Variants in BIRC6 observed in about 807,000 individuals in gnomAD.
The protein encoded by BIRC6 is baculoviral IAP repeat containing 6.
A neutral mutation model predicts 503.3 loss-of-function variants in BIRC6; 98 were observed. That is an observed-to-expected ratio of 0.19 (90% CI 0.17 to 0.23). BIRC6 has a LOEUF of 0.23. BIRC6 is among the 10% of genes least tolerant of loss of function. The probability of loss-of-function intolerance (pLI) is 1.00; values close to 1 mark genes in which losing one functional copy is unlikely to be tolerated. For synonymous variants in BIRC6, 2,240 were observed against 2,078.7 expected (o/e 1.08, Z -2.11); for missense variants, 5,360 against 5,806.0 (o/e 0.92, Z 2.50).
At chr2:32,487,147 G>A (rs965120336) in intron 40 of BIRC6, among the ~76,000 whole-genome samples, 4 of 152,168 alleles carry the variant, frequency 2.6e-5, no homozygotes, top group South Asian at 2.1e-4. Context: ...AAAGCTCTTA[G>A]TATCCTTGTA....
At chr2:32,396,098 T>C (rs1284951693) in intron 6 of BIRC6, among the ~76,000 whole-genome samples, 1 of 152,174 alleles carries the variant, frequency 6.6e-6, no homozygotes, top group East Asian at 1.9e-4. Flanking sequence ...TTAATAGAAA[T>C]AATAGTATAT....
Position 32,357,332 on chromosome 2 carries a change from G to A in BIRC6, c.171G>A (p.Val57=). 2 of 1,540,348 alleles carry A rather than the reference G, an allele frequency of 1.3e-6. No homozygotes were observed. Among genetic ancestry groups the A allele is most frequent in the Non-Finnish European group, 1.7e-6 (2 of 1,144,960 alleles). The change falls in exon 1 of 74, where the codon GTG becomes GTA. Residue 57 remains valine (V), a synonymous_variant. Transcript: ENST00000421745. The surrounding 1 kb of genome is among the most constrained non-coding windows in gnomAD (Gnocchi z 4.9). ...CGGCCGGGGTCTCAGAGTGGCTGGT[G>A]CTGCGGGACGGCTGCATGCACTGCG... ...AGAAGVSEWL[V]LRDGCMHCDA...
At chr2:32,401,653 T>C (rs370670186) in intron 8 of BIRC6, 30 bp downstream of exon 8, 2 of 1,570,634 alleles carry the variant, frequency 1.3e-6, no homozygotes, top group African/African-American at 2.7e-5. Context: ...TAGTATTTAA[T>C]AGATGTTACA....
At chr2:32,408,402 G>C (rs560249329) in intron 9 of BIRC6, among the ~76,000 whole-genome samples, 2 of 152,114 alleles carry the variant, frequency 1.3e-5, no homozygotes, top group Non-Finnish European at 2.9e-5. Flanking sequence ...GAGCCACTGC[G>C]CCCGGCCAAG....
Position 32,499,971 on chromosome 2 carries a change from G to T in BIRC6, c.8893G>T (p.Asp2965Tyr). ...TGAAGAAAAAGTCTCAGGAGGCAAA[G>T]ATGGCAATGGAAGCAGTACCAGTGT... ...SDEEKVSGGK[D>Y]GNGSSTSVQG... Residue 2965 changes from aspartate to tyrosine, a missense_variant, in exon 46 of 74, where the codon GAT becomes TAT. This residue lies in a region of BIRC6 where 2,299 missense variants were observed against 2,267.2 expected (regional missense o/e 1.01). Transcript: ENST00000421745. 1 of 1,613,996 alleles carries T rather than the reference G, an allele frequency of 6.2e-7. No homozygotes were observed.
chr2:32,410,104 A>G (rs914664211), intron 9 of BIRC6, among the ~76,000 whole-genome samples: 1 of 152,236 alleles, frequency 6.6e-6, no homozygotes, highest in Non-Finnish European at 1.5e-5. Context: ...ATTTTGTCAT[A>G]GTATATACAT....
At chr2:32,531,219 C>T in intron 60 of BIRC6, 136 bp from the exon 61 acceptor site, 1 of 694,698 alleles carries the variant, frequency 1.4e-6, no homozygotes, top group East Asian at 2.7e-5. Flanking sequence ...CATAATACAG[C>T]TATATCTAAA....
At chr2:32,428,487 C>T (rs776802236) in intron 10 of BIRC6, among the ~76,000 whole-genome samples, 2 of 152,168 alleles carry the variant, frequency 1.3e-5, no homozygotes, top group African/African-American at 2.4e-5. Flanking sequence ...CACTGCTTAC[C>T]TCACCCTCGT....
chr2:32,452,321 AAC>A (rs1264389514), intron 22 of BIRC6, among the ~76,000 whole-genome samples: 4 of 152,116 alleles, frequency 2.6e-5, no homozygotes, highest in African/African-American at 4.8e-5. Flanking sequence ...TTCTTCAGAA[AAC>A]AGTTATTTTT....
In BIRC6 at chr2:32,553,126, G is replaced by A. The variant is rs184065805; in HGVS notation, c.13144+3645G>A. Among the ~76,000 whole-genome samples the A allele has an allele frequency of 9.4e-3, 1,288 of 137,168 alleles. 9 individuals carry two copies. The highest frequency in any genetic ancestry group is 0.026 in the Middle Eastern group (6 of 232). The allele number at this position is 137,168 out of a possible 152,430, so 90.0% of individuals were successfully genotyped here. ...GCAGGAGAATCGCTTGAACCCAGGA[G>A]GGGGAGGTTGCGGTGAGCCGAGATG... is the stretch of plus-strand genomic sequence containing the variant. On this transcript the variant is annotated intron_variant, in intron 65 of 73. Coordinates refer to ENST00000421745, the MANE Select transcript of BIRC6 (RefSeq NM_016252.4).
chr2:32,597,275 T>C (rs1460873783), intron 68 of BIRC6, among the ~76,000 whole-genome samples: 1 of 152,246 alleles, frequency 6.6e-6, no homozygotes, highest in Non-Finnish European at 1.5e-5. Flanking sequence ...GTGGCTTTCA[T>C]TACCTGTAAA....
chr2:32,473,656 T>C, intron 33 of BIRC6, among the ~76,000 whole-genome samples: 1 of 151,580 alleles, frequency 6.6e-6, no homozygotes, highest in South Asian at 2.1e-4. Flanking sequence ...TCTATCTAGC[T>C]TCCAGATTTT....
chr2:32,451,526 C>T (rs564010996), intron 22 of BIRC6, among the ~76,000 whole-genome samples: 2 of 152,220 alleles, frequency 1.3e-5, no homozygotes, highest in East Asian at 3.9e-4. Context: ...ATGCCCTTGA[C>T]GTTGCAGTAA....
rs139981025 is a variant in BIRC6, at chr2:32,453,823, G to A, written c.4634G>A (p.Ser1545Asn). ...TTGCCATTAGGAAATGGAAAGGTCA[G>A]TAGTTGCACAGCTGCTGAGGGTAGT... is the stretch of plus-strand genomic sequence containing the variant. ...SDVLSGNGKV[S>N]SCTAAEGSFT... is the part of the protein sequence containing the mutation. The change falls in exon 23 of 74, where the codon AGT (serine) becomes AAT (asparagine). Residue 1545 changes from serine to asparagine, a missense_variant. By Grantham distance (46) the Ser-to-Asn change is conservative. Transcript: ENST00000421745. 5.0e-6 allele frequency: 8 copies of A among 1,613,666 alleles called. No individual in the cohort carries two copies. Among genetic ancestry groups the A allele is most frequent in the Non-Finnish European group, 6.8e-6 (8 of 1,179,682 alleles).
intron 61 of BIRC6, among the ~76,000 whole-genome samples, chr2:32,534,391 A>G (rs1038209018): frequency 2.7e-5 from 4 of 149,654 alleles, no homozygotes; most frequent in African/African-American, 4.9e-5. Flanking sequence ...AAAAAAAAAA[A>G]GAGACACTGC....
At chr2:32,553,295 C>CT (rs78917334) in intron 65 of BIRC6, among the ~76,000 whole-genome samples, 150,020 of 150,020 alleles carry the variant, frequency 1, 75,010 homozygotes, top group Non-Finnish European at 1. Context: ...ATTTTTGTGA[C>CT]TAACAGTAGT....
intron 45 of BIRC6, among the ~76,000 whole-genome samples, chr2:32,497,858 CAA>C (rs879044255): frequency 4.6e-5 from 7 of 152,128 alleles, no homozygotes; most frequent in Admixed American, 4.6e-4. Context: ...AAGCATTTGA[CAA>C]AGTCAGAATT....
At chr2:32,565,371 A>G (rs1025428958) in intron 65 of BIRC6, 1 of 152,158 alleles carries the variant, frequency 6.6e-6, no homozygotes, top group East Asian at 1.9e-4. Context: ...CCTATAAGAC[A>G]TATTTTATTA....
In BIRC6 at chr2:32,433,812, T is replaced by A. The variant is rs1193022564; in HGVS notation, c.3409+8T>A. 2 of 1,513,370 alleles carry A rather than the reference T, an allele frequency of 1.3e-6. No individual in the cohort carries two copies. Among genetic ancestry groups the A allele is most frequent in the East Asian group, 2.3e-5 (1 of 43,468 alleles). 93.7% of individuals were successfully genotyped at this position (1,513,370 alleles called of 1,614,324 possible). A position where few individuals can be genotyped will look rare whatever the true frequency, so the allele number is the denominator to read the frequency against. On this transcript the variant is annotated splice_region_variant and intron_variant, in intron 13 of 73. Coordinates refer to ENST00000421745, the MANE Select transcript of BIRC6 (RefSeq NM_016252.4). Reference sequence around the variant, plus strand: ...GATTAGGGAAAGTCAATGGTAAGAATGTATCAAAATTTATCTTTGAAGATT... The same window carrying A: ...GATTAGGGAAAGTCAATGGTAAGAAAGTATCAAAATTTATCTTTGAAGATT...
Sources: gnomAD v4.1 joint callset for allele counts (sites outside exome capture counted in the v4.1 genomes callset) on GRCh38, gnomAD v4.1.1 for gene constraint, gnomAD v4.1.1 regional missense constraint, Gnocchi (gnomAD v3.1) non-coding constraint, MANE v1.5 for transcripts, NCBI Gene and HGNC (gene_info 2026-07-23, HGNC 2026-07-21) for gene names.